The following MAF variants were observed in gnomAD, a reference collection of about 807,000 sequenced individuals.
MAF encodes transcription factor Maf.
MAF carries 10 observed loss-of-function variants against 22.0 expected under a neutral mutation model. That is an observed-to-expected ratio of 0.45 (90% confidence interval 0.28 to 0.77). The LOEUF (loss-of-function observed/expected upper bound fraction) is 0.77, where lower values mean the gene tolerates loss of function less well. Among genes scored for constraint, MAF ranks in the 30% least tolerant of loss-of-function variants. The probability of loss-of-function intolerance (pLI) is 0.12; values close to 1 mark genes in which losing one functional copy is unlikely to be tolerated. For synonymous variants in MAF, 337 were observed against 255.8 expected (o/e 1.32, Z -3.03); for missense variants, 544 against 548.4 (o/e 0.99, Z 0.08).
chr16:79,480,493 G>A, the MAF span, among the ~76,000 whole-genome samples: 15 of 152,148 alleles, frequency 9.9e-5, no homozygotes, highest in Admixed American at 8.5e-4. Context: ...TCAGAAGTGT[G>A]GAAATCAGCA....
the MAF span, among the ~76,000 whole-genome samples, chr16:79,541,423 G>C: frequency 3.9e-4 from 59 of 151,994 alleles, no homozygotes; most frequent in East Asian, 0.011. Flanking sequence ...AGGAGCCTGC[G>C]TCAGTCCCTG....
At chr16:79,419,150 G>T in the MAF span, among the ~76,000 whole-genome samples, 1 of 152,292 alleles carries the variant, frequency 6.6e-6, no homozygotes, top group Admixed American at 6.5e-5. Flanking sequence ...CAGGGTGAAG[G>T]TGTGCTGGCC....
chr16:79,301,425 TC>T, the MAF span, among the ~76,000 whole-genome samples: 1,340 of 152,220 alleles, frequency 8.8e-3, 22 homozygotes, highest in African/African-American at 0.03. Context: ...GTGCATTTTT[TC>T]CCCCCATTTG....
the MAF span, among the ~76,000 whole-genome samples, chr16:79,529,121 C>T: frequency 6.6e-6 from 1 of 152,178 alleles, no homozygotes; most frequent in South Asian, 2.1e-4. Flanking sequence ...TTGCTAGCTA[C>T]ATCAGTGGCC....
the MAF span, among the ~76,000 whole-genome samples, chr16:79,471,839 T>C: frequency 6.6e-6 from 1 of 152,214 alleles, no homozygotes; most frequent in East Asian, 1.9e-4. Flanking sequence ...AAATTTTCCA[T>C]AATGGGTACA....
the MAF span, among the ~76,000 whole-genome samples, chr16:79,328,060 G>A: frequency 1.3e-5 from 2 of 152,166 alleles, no homozygotes; most frequent in East Asian, 3.9e-4. Context: ...AACCCTGTGA[G>A]TTGTAAGGAT....
At chr16:79,496,274 C>G in the MAF span, among the ~76,000 whole-genome samples, 1 of 152,108 alleles carries the variant, frequency 6.6e-6, no homozygotes, top group Non-Finnish European at 1.5e-5. Context: ...AAGAGTTTGG[C>G]TGCATTTTGG....
the MAF span, among the ~76,000 whole-genome samples, chr16:79,421,598 C>G: frequency 6.6e-6 from 1 of 151,196 alleles, no homozygotes; most frequent in Admixed American, 6.6e-5. Flanking sequence ...TAAACCAGGC[C>G]GGAGAAAAGG....
the MAF span, among the ~76,000 whole-genome samples, chr16:79,207,962 G>C: frequency 3.3e-5 from 5 of 152,080 alleles, no homozygotes; most frequent in Non-Finnish European, 7.4e-5. Context: ...ACCGAGTTTT[G>C]GAAGGATGGA....
At chr16:79,308,016 G>A in the MAF span, among the ~76,000 whole-genome samples, 3 of 152,190 alleles carry the variant, frequency 2.0e-5, no homozygotes, top group Non-Finnish European at 4.4e-5. Flanking sequence ...TCTGCCATGA[G>A]ACCACCTGCC....
chr16:79,451,721 A>C, the MAF span, among the ~76,000 whole-genome samples: 3 of 152,196 alleles, frequency 2.0e-5, no homozygotes, highest in Non-Finnish European at 4.4e-5. Flanking sequence ...CCCAAACAAC[A>C]CAGGAGGAAA....
chr16:79,381,316 C>T, the MAF span, among the ~76,000 whole-genome samples: 34 of 152,188 alleles, frequency 2.2e-4, no homozygotes, highest in Non-Finnish European at 1.0e-4. Flanking sequence ...GAGTAAACAA[C>T]CATAGGTCAG....
At chr16:79,330,901 C>G in the MAF span, among the ~76,000 whole-genome samples, 1 of 152,192 alleles carries the variant, frequency 6.6e-6, no homozygotes, top group Admixed American at 6.5e-5. Flanking sequence ...AATTCCCATC[C>G]CTTCTGCAAA....
chr16:79,552,393 G>A, the MAF span, among the ~76,000 whole-genome samples: 1 of 152,206 alleles, frequency 6.6e-6, no homozygotes, highest in East Asian at 1.9e-4. Flanking sequence ...TTGTTCTGTA[G>A]AGATGAGATC....
the MAF span, among the ~76,000 whole-genome samples, chr16:79,368,774 C>T: frequency 6.6e-6 from 1 of 152,132 alleles, no homozygotes; most frequent in Non-Finnish European, 1.5e-5. Flanking sequence ...CTCTGATATC[C>T]CACAGCTAAC....
chr16:79,270,618 C>G, the MAF span, among the ~76,000 whole-genome samples: 1 of 152,204 alleles, frequency 6.6e-6, no homozygotes, highest in Non-Finnish European at 1.5e-5. Flanking sequence ...AATCCCAAAT[C>G]TAGATGCAGT....
chr16:79,349,954 G>A, the MAF span, among the ~76,000 whole-genome samples: 1 of 152,124 alleles, frequency 6.6e-6, no homozygotes, highest in African/African-American at 2.4e-5. Flanking sequence ...CCCTTCAAAA[G>A]TCTTTGCCTT....
chr16:79,208,408 C>G, the MAF span, among the ~76,000 whole-genome samples: 1 of 152,058 alleles, frequency 6.6e-6, no homozygotes, highest in Admixed American at 6.6e-5. Context: ...TTAGGGGAAC[C>G]CATAGCTCCA....
At chr16:79,572,274 G>A in the MAF span, among the ~76,000 whole-genome samples, 2 of 152,226 alleles carry the variant, frequency 1.3e-5, no homozygotes, top group African/African-American at 2.4e-5. Flanking sequence ...GTGGAGGGAC[G>A]TGCCAGGCAT....
Sources: allele counts gnomAD v4.1 joint callset (sites outside exome capture counted in the v4.1 genomes callset), GRCh38; gene constraint gnomAD v4.1.1; transcripts MANE v1.5; gene names NCBI Gene and HGNC (gene_info 2026-07-23, HGNC 2026-07-21).